PCDH9: variants seen among roughly 807,000 people sequenced by gnomAD.
PCDH9 encodes the protein protocadherin-9.
PCDH9 carries 24 observed loss-of-function variants against 70.6 expected under a neutral mutation model. That is an observed-to-expected ratio of 0.34 (90% CI 0.25 to 0.48). The LOEUF (loss-of-function observed/expected upper bound fraction) is 0.48. PCDH9 is among the 20% of genes least tolerant of loss of function. The pLI, the probability that PCDH9 is intolerant of heterozygous loss-of-function variation, is 0.99. For missense variants in PCDH9, 1,281 were observed against 1,503.6 expected, an observed-to-expected ratio of 0.85 and a Z score of 2.45; for synonymous variants, 562 against 558.5, an observed-to-expected ratio of 1.01 and a Z score of -0.09.
intron 4 of PCDH9, among the ~76,000 whole-genome samples, chr13:66,319,375 T>C (rs1955710685): frequency 6.6e-6 from 1 of 152,144 alleles, no homozygotes; most frequent in Admixed American, 6.6e-5. Context: ...ACAGGGGTTC[T>C]TGAAGCGCAA....
intron 2 of PCDH9, among the ~76,000 whole-genome samples, chr13:67,166,506 A>C (rs2088120058): frequency 6.6e-6 from 1 of 152,198 alleles, no homozygotes; most frequent in Non-Finnish European, 1.5e-5. Context: ...ATGACATTTT[A>C]ATGAGCTTTT....
At chr13:66,337,602 C>A (rs1458074198) in intron 4 of PCDH9, among the ~76,000 whole-genome samples, 1 of 71,724 alleles carries the variant, frequency 1.4e-5, no homozygotes, top group African/African-American at 3.8e-5. Flanking sequence ...CTTGTTAAAA[C>A]AAACAAACAA....
intron 2 of PCDH9, among the ~76,000 whole-genome samples, chr13:66,957,919 A>T (rs1470767923): frequency 1.3e-5 from 2 of 152,240 alleles, no homozygotes; most frequent in Non-Finnish European, 2.9e-5. Context: ...GGGAGTTATT[A>T]GTAAAATTTG....
At chr13:67,070,134 T>C (rs2085732082) in intron 2 of PCDH9, among the ~76,000 whole-genome samples, 1 of 151,656 alleles carries the variant, frequency 6.6e-6, no homozygotes, top group Non-Finnish European at 1.5e-5. Context: ...AATAGGGTTA[T>C]TTTACATTTA....
intron 4 of PCDH9, among the ~76,000 whole-genome samples, chr13:66,598,449 CAT>C (rs1453845675): frequency 2.0e-5 from 3 of 151,696 alleles, no homozygotes; most frequent in African/African-American, 4.8e-5. Context: ...GAAATTAATA[CAT>C]GTTTATCTTT....
chr13:66,396,093 T>C (rs1470481546), intron 4 of PCDH9, among the ~76,000 whole-genome samples: 1 of 152,126 alleles, frequency 6.6e-6, no homozygotes, highest in Non-Finnish European at 1.5e-5. Flanking sequence ...ATCTAGCTAG[T>C]TTCAAGGCTT....
At chr13:66,642,233 T>C (rs1334911321) in intron 3 of PCDH9, among the ~76,000 whole-genome samples, 1 of 152,094 alleles carries the variant, frequency 6.6e-6, no homozygotes, top group East Asian at 1.9e-4. Context: ...CTTATTAATG[T>C]TGAAAATAAA....
chr13:66,957,434 A>C (rs1167144946), intron 2 of PCDH9, among the ~76,000 whole-genome samples: 2 of 152,198 alleles, frequency 1.3e-5, no homozygotes, highest in African/African-American at 4.8e-5. Context: ...AAAGTAAATG[A>C]AGATGCATTG....
chr13:66,707,906 G>A (rs1279345224), intron 3 of PCDH9, among the ~76,000 whole-genome samples: 2 of 152,058 alleles, frequency 1.3e-5, no homozygotes, highest in Non-Finnish European at 2.9e-5. Context: ...TATTTTGCTT[G>A]TTTATCTTCA....
Position 66,604,718 on chromosome 13 carries a change from C to T in PCDH9, c.3340+26492G>A, listed in dbSNP as rs1008725477. Among the ~76,000 whole-genome samples, 6 of 151,964 alleles carry T rather than the reference C, an allele frequency of 3.9e-5. No homozygotes were observed. In the East Asian group the frequency reaches 9.7e-4, roughly 24 times the overall value. On this transcript the variant is annotated intron_variant, in intron 4 of 4. Transcript: ENST00000377865. ...ACTGAATGTAGTATTAAAATATATA[C>T]ACAAATAGAACAAATCATAAATATC...
chr13:66,912,025 A>G (rs539095989), intron 2 of PCDH9, among the ~76,000 whole-genome samples: 1 of 152,286 alleles, frequency 6.6e-6, no homozygotes, highest in East Asian at 1.9e-4. Context: ...TATGATTATC[A>G]TTTAACTGTA....
chr13:66,934,182 C>T (rs1275995806), intron 2 of PCDH9, among the ~76,000 whole-genome samples: 1 of 152,062 alleles, frequency 6.6e-6, no homozygotes, highest in Non-Finnish European at 1.5e-5. Flanking sequence ...TTGTGGTTAT[C>T]TAAATAAGTT....
At position 66,730,876 on chromosome 13, in the gene PCDH9, G is replaced by GTTTTTTTTTTTTTTTTTTTTTT. The variant is rs758928616; in HGVS notation, c.3139-99466_3139-99465insAAAAAAAAAAAAAAAAAAAAAA. Among the ~76,000 whole-genome samples, 4 of 46,358 alleles carry GTTTTTTTTTTTTTTTTTTTTTT rather than the reference G, an allele frequency of 8.6e-5. 1 individual carries two copies. Among genetic ancestry groups the GTTTTTTTTTTTTTTTTTTTTTT allele is most frequent in the African/African-American group, 3.0e-4 (4 of 13,258 alleles). 30.4% of individuals were successfully genotyped at this position (46,358 alleles called of 152,430 possible). A position where few individuals can be genotyped will look rare whatever the true frequency, so the allele number is the denominator to read the frequency against. On this transcript the variant is annotated intron_variant, in intron 3 of 4. Coordinates refer to ENST00000377865, the MANE Select transcript of PCDH9 (RefSeq NM_203487.3). ...TGTTTTTGTTTTTTTGTGTGTGTGT[G>GTTTTTTTTTTTTTTTTTTTTTT]TTTTTTTTTTGTTTGTTTCTTTTTT...
chr13:66,784,452 C>T (rs964614975), intron 3 of PCDH9, among the ~76,000 whole-genome samples: 2 of 152,168 alleles, frequency 1.3e-5, no homozygotes, highest in African/African-American at 4.8e-5. Flanking sequence ...TGTCTCAGGA[C>T]TCTGGCACAC....
At chr13:66,489,399 C>G (rs1420681986) in intron 4 of PCDH9, among the ~76,000 whole-genome samples, 2 of 152,106 alleles carry the variant, frequency 1.3e-5, no homozygotes, top group Non-Finnish European at 2.9e-5. Flanking sequence ...CAGCCTTGAC[C>G]TCCTGGACTC....
intron 3 of PCDH9, among the ~76,000 whole-genome samples, chr13:66,670,898 A>C (rs1316299487): frequency 7.1e-6 from 1 of 140,184 alleles, no homozygotes. Flanking sequence ...ATCTAACATG[A>C]CTGTGTTCTT....
intron 4 of PCDH9, among the ~76,000 whole-genome samples, chr13:66,500,674 A>T (rs1262174775): frequency 6.6e-6 from 1 of 152,128 alleles, no homozygotes; most frequent in Non-Finnish European, 1.5e-5. Flanking sequence ...CTATTTTATT[A>T]TCAGTTTCCA....
intron 3 of PCDH9, among the ~76,000 whole-genome samples, chr13:66,819,586 G>A (rs2080673444): frequency 6.6e-6 from 1 of 152,136 alleles, no homozygotes; most frequent in Non-Finnish European, 1.5e-5. Context: ...AGTATCTGTT[G>A]TAACTTTTGA....
At chr13:66,544,706 G>C (rs566225404) in intron 4 of PCDH9, among the ~76,000 whole-genome samples, 2 of 152,112 alleles carry the variant, frequency 1.3e-5, no homozygotes, top group Non-Finnish European at 2.9e-5. Context: ...TATGAAAGGA[G>C]AGGTAACTTC....
Sources: gnomAD v4.1 joint callset for allele counts (sites outside exome capture counted in the v4.1 genomes callset) on GRCh38, gnomAD v4.1.1 for gene constraint, MANE v1.5 for transcripts, NCBI Gene and HGNC (gene_info 2026-07-23, HGNC 2026-07-21) for gene names.